WDR7: variants seen among roughly 807,000 people sequenced by gnomAD.
WDR7 encodes WD repeat domain 7.
WDR7 carries 46 observed loss-of-function variants against 169.4 expected under a neutral mutation model. The observed-to-expected ratio is 0.27, with a 90% CI of 0.21 to 0.35. The LOEUF is 0.35. WDR7 is among the 10% of genes least tolerant of loss of function. The pLI, the probability that WDR7 is intolerant of heterozygous loss-of-function variation, is 1.00. For synonymous variants in WDR7, 612 were observed against 666.8 expected (o/e 0.92, Z 1.27); for missense variants, 1,534 against 1,859.3 (o/e 0.83, Z 3.22).
At chr18:56,755,972 G>A (rs1175727592) in intron 14 of WDR7, among the ~76,000 whole-genome samples, 1 of 152,174 alleles carries the variant, frequency 6.6e-6, no homozygotes, top group Non-Finnish European at 1.5e-5. Flanking sequence ...ATTTTCATTG[G>A]AGTAGTCTAC....
chr18:56,808,954 C>T (rs909317370), intron 19 of WDR7, among the ~76,000 whole-genome samples: 1 of 152,038 alleles, frequency 6.6e-6, no homozygotes, highest in Non-Finnish European at 1.5e-5. Flanking sequence ...ATCTAGATGG[C>T]GTGAGGATCT....
intron 5 of WDR7, among the ~76,000 whole-genome samples, chr18:56,684,914 A>G (rs950899750): frequency 6.6e-6 from 1 of 152,210 alleles, no homozygotes; most frequent in Non-Finnish European, 1.5e-5. Flanking sequence ...TCCAGGCAAT[A>G]GGGAACTAAT....
chr18:56,774,329 G>T (rs1224358032), intron 16 of WDR7, among the ~76,000 whole-genome samples: 1 of 152,000 alleles, frequency 6.6e-6, no homozygotes, highest in African/African-American at 2.4e-5. Flanking sequence ...GGGAGGCCAG[G>T]GCAGATGTGT....
chr18:56,716,418 C>T (rs1207437714), intron 12 of WDR7, among the ~76,000 whole-genome samples: 2 of 151,406 alleles, frequency 1.3e-5, no homozygotes, highest in African/African-American at 4.9e-5. Context: ...ATGAAGCTAA[C>T]AAAGAATAAA....
intron 14 of WDR7, among the ~76,000 whole-genome samples, chr18:56,747,396 A>G (rs1350885821): frequency 1.3e-5 from 2 of 152,344 alleles, no homozygotes; most frequent in African/African-American, 2.4e-5. Context: ...TTCAACATAC[A>G]TAGTTTAATA....
chr18:56,652,958 G>A (rs934567887), intron 1 of WDR7, among the ~76,000 whole-genome samples: 2 of 152,034 alleles, frequency 1.3e-5, no homozygotes, highest in African/African-American at 4.8e-5. Flanking sequence ...TATATGTTCC[G>A]TTTTGAAGTT....
intron 20 of WDR7, among the ~76,000 whole-genome samples, chr18:56,835,954 A>G (rs994373350): frequency 2.6e-5 from 4 of 152,222 alleles, no homozygotes; most frequent in Non-Finnish European, 4.4e-5. Context: ...CACCTGATGT[A>G]TAAGTGTACT....
intron 2 of WDR7, among the ~76,000 whole-genome samples, chr18:56,678,011 T>A (rs1162117620): frequency 1.3e-5 from 2 of 152,180 alleles, no homozygotes; most frequent in Admixed American, 1.3e-4. Flanking sequence ...TCAAGCTCAC[T>A]ATTTCTTTTC....
chr18:56,721,019 A>G (rs1207505735), intron 13 of WDR7, among the ~76,000 whole-genome samples: 2 of 152,044 alleles, frequency 1.3e-5, no homozygotes, highest in South Asian at 2.1e-4. Flanking sequence ...AGGTATTGAC[A>G]TTATTTATTT....
intron 12 of WDR7, among the ~76,000 whole-genome samples, chr18:56,711,022 TTTTTTTTTAAAAGACATTTTTC>T (rs1443206517): frequency 6.6e-6 from 1 of 152,064 alleles, no homozygotes; most frequent in Admixed American, 6.5e-5. Context: ...GATTTTAGTT[TTTTTTTTTAAAAGACATTTTTC>T]TTTTTGTCCT....
At chr18:56,682,974 C>A in intron 5 of WDR7, 121 bp downstream of exon 5, 1 of 1,047,668 alleles carries the variant, frequency 9.5e-7, no homozygotes, top group Non-Finnish European at 1.4e-6. Context: ...TAAGAAATAA[C>A]TACACCAATA....
chr18:56,781,363 A>G (rs2044315886), intron 18 of WDR7, among the ~76,000 whole-genome samples, 170 bp from the exon 19 acceptor site: 1 of 152,236 alleles, frequency 6.6e-6, no homozygotes, highest in Non-Finnish European at 1.5e-5. Flanking sequence ...ATGATTTGCT[A>G]GCATCTGATT....
intron 1 of WDR7, among the ~76,000 whole-genome samples, chr18:56,655,850 A>T (rs1462051610): frequency 6.6e-6 from 1 of 152,144 alleles, no homozygotes; most frequent in Admixed American, 6.5e-5. Context: ...GTTGAATGAG[A>T]CAGTTCTTGA....
intron 21 of WDR7, among the ~76,000 whole-genome samples, chr18:56,883,060 AT>A: frequency 6.6e-6 from 1 of 152,192 alleles, no homozygotes; most frequent in Non-Finnish European, 1.5e-5. Context: ...AATACAAAAA[AT>A]TGGCCAGATG....
At chr18:56,702,038 A>G (rs918372880) in intron 12 of WDR7, among the ~76,000 whole-genome samples, 6 of 152,198 alleles carry the variant, frequency 3.9e-5, no homozygotes, top group Non-Finnish European at 7.3e-5. Context: ...GTGAATTAGC[A>G]AAATCTGAAC....
At chr18:56,816,325 A>G (rs961538435) in intron 20 of WDR7, among the ~76,000 whole-genome samples, 181 bp downstream of exon 20, 2 of 152,188 alleles carry the variant, frequency 1.3e-5, no homozygotes, top group African/African-American at 4.8e-5. Flanking sequence ...AAAGAAGTGG[A>G]ACTGTTTCTT....
At chr18:56,923,889 C>T (rs369789124) in intron 21 of WDR7, 33 bp from the exon 22 acceptor site, 4 of 1,474,444 alleles carry the variant, frequency 2.7e-6, no homozygotes, top group African/African-American at 1.5e-5. Context: ...GTAAAATTCC[C>T]CTTTTGCTCT....
At chr18:57,025,191 C>T (rs1212430610) in intron 27 of WDR7, among the ~76,000 whole-genome samples, 2 of 152,086 alleles carry the variant, frequency 1.3e-5, no homozygotes, top group Non-Finnish European at 2.9e-5. Flanking sequence ...TTTGAATTAC[C>T]AGCAGAAGTC....
chr18:57,020,948 T>TCCTC, intron 27 of WDR7, 99 bp downstream of exon 27: 1 of 1,004,020 alleles, frequency 1.0e-6, no homozygotes, highest in East Asian at 2.4e-5. Flanking sequence ...CTCCTTCCTG[T>TCCTC]CCTCCCTCCC....
Sources: gnomAD v4.1 joint callset for allele counts (sites outside exome capture counted in the v4.1 genomes callset) on GRCh38, gnomAD v4.1.1 for gene constraint, MANE v1.5 for transcripts, NCBI Gene and HGNC (gene_info 2026-07-23, HGNC 2026-07-21) for gene names.